Variants in TTC13 observed in about 807,000 individuals in gnomAD.
The protein encoded by TTC13 is tetratricopeptide repeat protein 13.
In TTC13, 62 loss-of-function variants were observed where a neutral mutation model predicts 120.0. The ratio of observed to expected loss-of-function variants is 0.52; its 90% CI spans 0.42 to 0.64. The LOEUF (loss-of-function observed/expected upper bound fraction) is 0.64. Among genes scored for constraint, TTC13 ranks in the 30% least tolerant of loss-of-function variants. The pLI, the probability that TTC13 is intolerant of heterozygous loss-of-function variation, is 0.00. For synonymous variants in TTC13, 384 were observed against 393.5 expected (o/e 0.98, Z 0.28); for missense variants, 824 against 1,050.2 (o/e 0.78, Z 2.98).
chr1:230,925,086 A>G, intron 13 of TTC13, 113 bp from the exon 14 acceptor site: 2 of 1,337,914 alleles, frequency 1.5e-6, no homozygotes, highest in Non-Finnish European at 2.1e-6. Flanking sequence ...GGTCAGAAGT[A>G]TTGGTGATAT....
chr1:230,957,847 T>G (rs113785947), intron 3 of TTC13, among the ~76,000 whole-genome samples: 7 of 70,562 alleles, frequency 9.9e-5, no homozygotes, highest in African/African-American at 3.1e-4. Context: ...AAAGTTTAAG[T>G]TAAAATAACT....
At chr1:230,918,882 T>C (rs1465989783) in intron 17 of TTC13, among the ~76,000 whole-genome samples, 1 of 152,196 alleles carries the variant, frequency 6.6e-6, no homozygotes, top group Non-Finnish European at 1.5e-5. Context: ...TCTCATCTAC[T>C]ATAGCTGCAA....
intron 1 of TTC13, among the ~76,000 whole-genome samples, chr1:230,967,666 T>C (rs1677261337): frequency 6.6e-6 from 1 of 152,214 alleles, no homozygotes; most frequent in East Asian, 1.9e-4. Context: ...GAAAAATAGT[T>C]GCTAGAGTTA....
intron 15 of TTC13, among the ~76,000 whole-genome samples, chr1:230,923,139 A>G (rs917559919): frequency 6.6e-6 from 1 of 152,234 alleles, no homozygotes; most frequent in Non-Finnish European, 1.5e-5. Flanking sequence ...CACAACTACC[A>G]TATCTATACA....
intron 14 of TTC13, among the ~76,000 whole-genome samples, chr1:230,924,431 C>T (rs1002179467): frequency 3.3e-5 from 5 of 152,176 alleles, no homozygotes; most frequent in African/African-American, 1.2e-4. Flanking sequence ...CTCCTGGGTT[C>T]ACGCCATTCT....
rs145136264 is a variant in TTC13, at chr1:230,912,766, T to C, written c.2094-8A>G. 9.1e-5 allele frequency: 145 copies of C among 1,601,574 alleles called. 2 individuals are homozygous for C. In the East Asian group the frequency reaches 1.8e-3, roughly 20 times the overall value. ...AATAATATATTGCCAACTCTGAAAATACAAAAATAAGTGTGAAAGGCATGT... is the reference window on the plus strand; with the variant it reads ...AATAATATATTGCCAACTCTGAAAACACAAAAATAAGTGTGAAAGGCATGT... On this transcript the variant is annotated splice_polypyrimidine_tract_variant and splice_region_variant and intron_variant, in intron 18 of 22. Transcript: ENST00000366661.
At chr1:230,925,123 A>G in intron 13 of TTC13, 150 bp from the exon 14 acceptor site, 1 of 1,003,446 alleles carries the variant, frequency 1.0e-6, no homozygotes, top group Non-Finnish European at 1.5e-6. Context: ...CGTTTCAGTC[A>G]TGATGGTCCT....
intron 4 of TTC13, among the ~76,000 whole-genome samples, chr1:230,949,746 C>T (rs1167700828): frequency 2.0e-5 from 3 of 152,126 alleles, no homozygotes; most frequent in Admixed American, 6.5e-5. Context: ...CCAGGGTTCA[C>T]GCCATTCTCC....
rs892464319 is a variant in TTC13, at chr1:230,931,826, C to T, written c.1035G>A (p.Leu345=). 32 of 1,614,058 alleles carry T rather than the reference C, an allele frequency of 2.0e-5. No individual in the cohort carries two copies. The highest frequency in any genetic ancestry group is 2.5e-5 in the Non-Finnish European group (30 of 1,180,028). ...GGGTTTGCACATGATTTTGGTTGAG[C>T]AACAGTGCCTTTTGAAAGCTCTCAG... ...AATESFQKAL[L]LNQNHVQTLQ... The change falls in exon 10 of 23, where the codon TTG becomes TTA. Residue 345 remains leucine (L), a synonymous_variant. Transcript: ENST00000366661.
At position 230,920,534 on chromosome 1, in the gene TTC13, T is replaced by C. The variant is rs1175610945; in HGVS notation, c.1959A>G (p.Val653=). The change falls in exon 17 of 23, where the codon GTA becomes GTG. Residue 653 remains valine (V), a synonymous_variant. Transcript: ENST00000366661. ...CCTTCATAATCGGAAGAAGGTCTTC[T>C]ACTTTGTGTACCTTTTCCAGGGCTT... ...VREALEKVHK[V]EDLLPIMKQF... 5 of 1,610,926 alleles carry C rather than the reference T, an allele frequency of 3.1e-6. No homozygotes were observed. Among genetic ancestry groups the C allele is most frequent in the Non-Finnish European group, 4.2e-6 (5 of 1,178,936 alleles).
intron 3 of TTC13, chr1:230,956,378 A>T: frequency 4.9e-6 from 1 of 205,994 alleles, no homozygotes; most frequent in Non-Finnish European, 1.0e-5. Context: ...CGATTTGATC[A>T]GAAAGCCAAG....
intron 19 of TTC13, among the ~76,000 whole-genome samples, 170 bp downstream of exon 19, chr1:230,912,453 T>C (rs764711043): frequency 5.9e-5 from 9 of 152,314 alleles, no homozygotes; most frequent in Non-Finnish European, 1.3e-4. Context: ...CCCATTACTG[T>C]AGTTACTAAA....
At chr1:230,910,269 G>T (rs1671370322) in intron 20 of TTC13, among the ~76,000 whole-genome samples, 1 of 152,204 alleles carries the variant, frequency 6.6e-6, no homozygotes, top group Non-Finnish European at 1.5e-5. Flanking sequence ...GAGAAGGCAG[G>T]GAGATGTGGC....
chr1:230,957,908 C>T (rs950270386), intron 3 of TTC13, among the ~76,000 whole-genome samples: 11 of 152,190 alleles, frequency 7.2e-5, no homozygotes, highest in South Asian at 2.1e-4. Flanking sequence ...GCTTTCACTT[C>T]TTCATTGCTC....
In TTC13 at chr1:230,931,490, C is replaced by T. The variant is rs11122624; in HGVS notation, c.1126-18G>A. Reference sequence around the variant, plus strand: ...AGACACCGCTGAGGACAAAATGCTGCATTAGTATCAACACAGTTTAGGAAA... The same window carrying T: ...AGACACCGCTGAGGACAAAATGCTGTATTAGTATCAACACAGTTTAGGAAA... On this transcript the variant is annotated intron_variant, in intron 10 of 22. Coordinates refer to ENST00000366661, the MANE Select transcript of TTC13 (RefSeq NM_024525.5). The T allele has an allele frequency of 0.51, 819,974 of 1,610,966 alleles. 212,344 individuals are homozygous for T. Among genetic ancestry groups the T allele is most frequent in the Admixed American group, 0.64 (38,490 of 59,710 alleles).
intron 4 of TTC13, among the ~76,000 whole-genome samples, chr1:230,945,729 T>C (rs1480146537): frequency 6.6e-6 from 1 of 152,192 alleles, no homozygotes; most frequent in Non-Finnish European, 1.5e-5. Context: ...CACAGGGTCA[T>C]CTTATTTAAA....
At chr1:230,953,327 A>G (rs1378268823) in intron 4 of TTC13, among the ~76,000 whole-genome samples, 1 of 152,254 alleles carries the variant, frequency 6.6e-6, no homozygotes, top group African/African-American at 2.4e-5. Context: ...AAGAGAAAAC[A>G]AAAGCAGAGC....
intron 8 of TTC13, chr1:230,936,603 T>C (rs1674074735): frequency 5.2e-6 from 1 of 191,114 alleles, no homozygotes; most frequent in Non-Finnish European, 1.1e-5. Context: ...AGATCCAAAA[T>C]GCCTGATATA....
intron 18 of TTC13, among the ~76,000 whole-genome samples, chr1:230,913,406 C>T (rs1395372427): frequency 6.6e-6 from 1 of 152,158 alleles, no homozygotes; most frequent in Non-Finnish European, 1.5e-5. Context: ...ACCACCCAGG[C>T]TGGAGAGCAT....
Sources: gnomAD v4.1 joint callset for allele counts (sites outside exome capture counted in the v4.1 genomes callset) on GRCh38, gnomAD v4.1.1 for gene constraint, MANE v1.5 for transcripts, NCBI Gene and HGNC (gene_info 2026-07-23, HGNC 2026-07-21) for gene names.